The following BRSK2 variants were observed in gnomAD, a reference collection of about 807,000 sequenced individuals.
BRSK2 encodes serine/threonine-protein kinase BRSK2.
A neutral mutation model predicts 83.3 loss-of-function variants in BRSK2; 19 were observed. The observed-to-expected ratio is 0.23, with a 90% CI of 0.16 to 0.33. BRSK2 has a LOEUF of 0.33. Among genes scored for constraint, BRSK2 ranks in the 10% least tolerant of loss-of-function variants. The probability of loss-of-function intolerance (pLI) is 1.00; values close to 1 mark genes in which losing one functional copy is unlikely to be tolerated. For synonymous variants in BRSK2, 519 were observed against 435.4 expected (o/e 1.19, Z -2.39); for missense variants, 798 against 1,042.3 (o/e 0.77, Z 3.23).
chr11:1,401,941 G>A (rs1467080008), intron 1 of BRSK2, among the ~76,000 whole-genome samples: 3 of 152,226 alleles, frequency 2.0e-5, no homozygotes, highest in African/African-American at 4.8e-5. Context: ...GTGGGTCTCT[G>A]GTTCCGTGCT....
At position 1,456,386 on chromosome 11, in the gene BRSK2, C is replaced by A; in HGVS notation, c.1707C>A (p.Ser569Arg). 1.9e-6 allele frequency: 3 copies of A among 1,595,616 alleles called. No individual in the cohort carries two copies. The highest frequency in any genetic ancestry group is 2.6e-6 in the Non-Finnish European group (3 of 1,171,804). Reference sequence around the variant, plus strand: ...GCCACAGCGTCATCTCCCAAACGAGCTTCCGGGCCGAGTACAAGGCCACGG... The same window carrying A: ...GCCACAGCGTCATCTCCCAAACGAGATTCCGGGCCGAGTACAAGGCCACGG... ...SLSHSVISQT[S>R]FRAEYKATGG... The change falls in exon 17 of 20, where the codon AGC becomes AGA. Residue 569 changes from serine (S) to arginine (R), a missense_variant. Ser to Arg is a moderately radical substitution (Grantham distance 110). Transcript: ENST00000528841.
chr11:1,395,649 G>A (rs763174721), intron 1 of BRSK2, among the ~76,000 whole-genome samples: 2 of 152,186 alleles, frequency 1.3e-5, no homozygotes, highest in East Asian at 1.9e-4. Context: ...CCCTGTTGAC[G>A]TGGGTCTCCC....
At chr11:1,393,716 C>T (rs998237551) in intron 1 of BRSK2, among the ~76,000 whole-genome samples, 1 of 152,064 alleles carries the variant, frequency 6.6e-6, no homozygotes, top group Non-Finnish European at 1.5e-5. Flanking sequence ...GAGGGAGAGC[C>T]TGTGCCTGGG....
intron 1 of BRSK2, among the ~76,000 whole-genome samples, chr11:1,404,932 CCT>C (rs1846737297): frequency 1.4e-5 from 2 of 141,132 alleles, no homozygotes; most frequent in Admixed American, 7.1e-5. Context: ...CCTCGCTGCC[CCT>C]GTGTCCTGAC....
In BRSK2 at chr11:1,424,743, G is replaced by GC. The variant is rs952940589; in HGVS notation, c.92-11297_92-11296insC. On this transcript the variant is annotated intron_variant, in intron 1 of 19. Transcript: ENST00000528841. ...CTGTTTGGACAGAGGGAGTCGGGGG[G>GC]GCCAGGCAGGGCCCTGTGGAGCCTG... Among the ~76,000 whole-genome samples, 2 of 152,032 alleles carry GC rather than the reference G, an allele frequency of 1.3e-5. 1 individual carries two copies.
intron 1 of BRSK2, among the ~76,000 whole-genome samples, chr11:1,416,871 G>T (rs1319978250): frequency 1.3e-5 from 2 of 152,030 alleles, no homozygotes; most frequent in African/African-American, 4.8e-5. Context: ...TTAAAATGTG[G>T]CTTCTTCAGC....
In BRSK2 at chr11:1,454,422, G is replaced by A. The variant is rs565709440; in HGVS notation, c.1545-63G>A. 8.1e-5 allele frequency: 129 copies of A among 1,586,024 alleles called. 2 individuals carry two copies. The South Asian group carries it at 1.4e-3, about 17-fold the overall frequency. On this transcript the variant is annotated intron_variant, in intron 15 of 19. Coordinates refer to ENST00000528841, the MANE Select transcript of BRSK2 (RefSeq NM_001256627.2). The surrounding 1 kb of genome is among the most constrained non-coding windows in gnomAD (Gnocchi z 5.2). ...CCGCCGTTCCAACCCCAGATTCGAG[G>A]GAGGCAGGGGTGTGGACGGTGCCAC... is the stretch of plus-strand genomic sequence containing the variant.
At chr11:1,452,780 CTTAT>C (rs1303020356) in intron 15 of BRSK2, among the ~76,000 whole-genome samples, 1 of 152,290 alleles carries the variant, frequency 6.6e-6, no homozygotes, top group East Asian at 1.9e-4. Context: ...TGTGACAGCC[CTTAT>C]TGAGGGTCCT....
chr11:1,400,614 A>G (rs1356943102), intron 1 of BRSK2, among the ~76,000 whole-genome samples: 3 of 151,654 alleles, frequency 2.0e-5, no homozygotes, highest in Non-Finnish European at 4.4e-5. Flanking sequence ...GGGGACACAC[A>G]TGCTGGAACG....
Position 1,456,411 on chromosome 11 carries a change from G to C in BRSK2, c.1732G>C (p.Gly578Arg), listed in dbSNP as rs781055469. 3 of 1,603,146 alleles carry C rather than the reference G, an allele frequency of 1.9e-6. No homozygotes were observed. The South Asian group carries it at 3.4e-5, about 18-fold the overall frequency. The change falls in exon 17 of 20, where the codon GGG becomes CGG. Residue 578 changes from glycine to arginine, a missense_variant. Gly to Arg is a moderately radical substitution (Grantham distance 125, BLOSUM62 -2). Around this residue, in one of 6 missense-constraint regions of BRSK2, gnomAD observed 455 missense variants for 455.2 expected, o/e 1.00. Coordinates refer to ENST00000528841, the MANE Select transcript of BRSK2 (RefSeq NM_001256627.2). Reference sequence around the variant, plus strand: ...CTTCCGGGCCGAGTACAAGGCCACGGGGGGGCCAGCCGTGTTCCAGAAGCC... The same window carrying C: ...CTTCCGGGCCGAGTACAAGGCCACGCGGGGGCCAGCCGTGTTCCAGAAGCC... ...TSFRAEYKAT[G>R]GPAVFQKPVK...
At chr11:1,459,307 G>A (rs1384015022) in intron 19 of BRSK2, 68 bp downstream of exon 19, 49 of 1,580,742 alleles carry the variant, frequency 3.1e-5, no homozygotes, top group Non-Finnish European at 4.2e-5. Context: ...AGCCCGCTGT[G>A]GCCGCCACCT....
intron 1 of BRSK2, among the ~76,000 whole-genome samples, chr11:1,428,502 G>T (rs1213176177): frequency 6.6e-6 from 1 of 152,236 alleles, no homozygotes; most frequent in Non-Finnish European, 1.5e-5. Flanking sequence ...GGGTGAAGGG[G>T]CCCCACTCAA....
At position 1,456,888 on chromosome 11, in the gene BRSK2, G is replaced by C. The variant is rs936486667; in HGVS notation, c.1939+201G>C. On this transcript the variant is annotated intron_variant, in intron 18 of 19. Coordinates refer to ENST00000528841, the MANE Select transcript of BRSK2 (RefSeq NM_001256627.2). The stretch of plus-strand genomic sequence containing the variant: ...CTGGCCTGGCGGGACCACCCGCCTC[G>C]CCTCTGCACGCCAGGGACATAGGGC... The C allele has an allele frequency of 4.5e-6, 7 of 1,542,074 alleles. No individual in the cohort carries two copies. The Admixed American group carries it at 1.2e-4, about 27-fold the overall frequency.
chr11:1,453,571 A>C (rs1367800619), intron 15 of BRSK2, among the ~76,000 whole-genome samples: 1 of 152,024 alleles, frequency 6.6e-6, no homozygotes, highest in African/African-American at 2.4e-5. Context: ...GGAGGCGTCG[A>C]GGGGCTGAGT....
chr11:1,452,547 C>T (rs1845925150), intron 15 of BRSK2, among the ~76,000 whole-genome samples: 1 of 152,252 alleles, frequency 6.6e-6, no homozygotes. Flanking sequence ...CCTCCCCCAT[C>T]TTGAGATGGC....
rs1303128706 is a variant in BRSK2 at position 1,462,117 on chromosome 11, C to G, written c.*1394C>G. On this transcript the variant is annotated 3_prime_UTR_variant, in exon 20 of 20. Coordinates refer to ENST00000528841, the MANE Select transcript of BRSK2 (RefSeq NM_001256627.2). ...AAATGAAAAAATTGAAAAAAAAGGACAAAGAGTCGGTGGCGCTCCTCTGCA... is the reference window on the plus strand; with the variant it reads ...AAATGAAAAAATTGAAAAAAAAGGAGAAAGAGTCGGTGGCGCTCCTCTGCA... 4 of 152,178 alleles carry G rather than the reference C, an allele frequency of 2.6e-5. No homozygotes were observed. Among genetic ancestry groups the G allele is most frequent in the African/African-American group, 7.2e-5 (3 of 41,430 alleles). The allele number at this position is 152,178 out of a possible 1,614,324, so 9.4% of individuals were successfully genotyped here. A position where few individuals can be genotyped will look rare whatever the true frequency, so the allele number is the denominator to read the frequency against.
chr11:1,426,921 C>A (rs531046781), intron 1 of BRSK2, among the ~76,000 whole-genome samples: 1 of 152,120 alleles, frequency 6.6e-6, no homozygotes, highest in Admixed American at 6.5e-5. Flanking sequence ...GGTCTGCATG[C>A]GGGAGATGGG....
In BRSK2 at chr11:1,461,340, C is replaced by T. The variant is rs1176292197; in HGVS notation, c.*617C>T. ...GAGGCCTCCTCGCAGGCCCGTGCCC[C>T]GCCTCCCTGGCTGCGCCGCCTCCGT... On this transcript the variant is annotated 3_prime_UTR_variant, in exon 20 of 20. Coordinates refer to ENST00000528841, the MANE Select transcript of BRSK2 (RefSeq NM_001256627.2). 8 of 358,060 alleles carry T rather than the reference C, an allele frequency of 2.2e-5. No individual in the cohort carries two copies. Among genetic ancestry groups the T allele is most frequent in the South Asian group, 3.1e-5 (1 of 32,400 alleles). The allele number at this position is 358,060 out of a possible 1,614,324, so 22.2% of individuals were successfully genotyped here.
chr11:1,411,019 C>A, intron 1 of BRSK2: 1 of 1,018,170 alleles, frequency 9.8e-7, no homozygotes, highest in Non-Finnish European at 1.2e-6. Flanking sequence ...AGCCGTGCGT[C>A]TGCCTTTTCT....
Sources: gnomAD v4.1 joint callset for allele counts (sites outside exome capture counted in the v4.1 genomes callset) on GRCh38, gnomAD v4.1.1 for gene constraint, gnomAD v4.1.1 regional missense constraint, Gnocchi (gnomAD v3.1) non-coding constraint, MANE v1.5 for transcripts, NCBI Gene and HGNC (gene_info 2026-07-23, HGNC 2026-07-21) for gene names.